The following CALN1 variants were observed in gnomAD, a reference collection of about 807,000 sequenced individuals.
CALN1 encodes the protein calneuron 1.
A neutral mutation model predicts 30.6 loss-of-function variants in CALN1; 17 were observed. The ratio of observed to expected loss-of-function variants is 0.56; its 90% CI spans 0.38 to 0.83. The LOEUF (loss-of-function observed/expected upper bound fraction) is 0.83, where lower values mean the gene tolerates loss of function less well. CALN1 is among the 40% of genes least tolerant of loss of function. The pLI, the probability that CALN1 is intolerant of heterozygous loss-of-function variation, is 0.00. For missense variants in CALN1, 291 were observed against 354.9 expected (o/e 0.82, Z 1.45); for synonymous variants, 156 against 131.4 (o/e 1.19, Z -1.28).
rs186303875 is a variant in CALN1 at position 72,194,209 on chromosome 7, C to T, written c.244+84477G>A. 2.4e-4 allele frequency among the ~76,000 whole-genome samples: 37 copies of T among 152,352 alleles called. No homozygotes were observed. The East Asian group carries it at 6.4e-3, about 26-fold the overall frequency. The stretch of plus-strand genomic sequence containing the variant: ...GCAGTGTACAATGGCATCTCTTTGA[C>T]TGGGTAGATGGCTATGCCATTAACC... On this transcript the variant is annotated intron_variant, in intron 3 of 6. Coordinates refer to ENST00000395275, the MANE Select transcript of CALN1 (RefSeq NM_031468.4).
intron 3 of CALN1, among the ~76,000 whole-genome samples, chr7:72,248,813 C>T (rs1387195621): frequency 1.5e-5 from 2 of 137,720 alleles, no homozygotes; most frequent in East Asian, 2.0e-4. Context: ...TATTAAATTT[C>T]GATCTAGATT....
At chr7:72,169,550 T>C (rs1164524270) in intron 3 of CALN1, among the ~76,000 whole-genome samples, 1 of 151,572 alleles carries the variant, frequency 6.6e-6, no homozygotes, top group Non-Finnish European at 1.5e-5. Context: ...CCTGAACTCC[T>C]AGCCTCAGGT....
chr7:71,809,719 A>G (rs1482240094), intron 6 of CALN1, among the ~76,000 whole-genome samples: 1 of 151,894 alleles, frequency 6.6e-6, no homozygotes, highest in Non-Finnish European at 1.5e-5. Flanking sequence ...ATTTGCTTTC[A>G]TGAATAAAAA....
intron 5 of CALN1, among the ~76,000 whole-genome samples, chr7:71,943,270 C>G (rs1294037805): frequency 6.6e-6 from 1 of 152,180 alleles, no homozygotes; most frequent in Non-Finnish European, 1.5e-5. Flanking sequence ...CGAAACAACA[C>G]AGTATATTTT....
the CALN1 span, among the ~76,000 whole-genome samples, chr7:72,497,212 G>C: frequency 2.0e-5 from 3 of 152,178 alleles, no homozygotes; most frequent in Non-Finnish European, 4.4e-5. Flanking sequence ...GGCCAAAGCG[G>C]GTGGATCACC....
intron 2 of CALN1, among the ~76,000 whole-genome samples, chr7:72,345,379 GAAAA>G (rs1167105583): frequency 7.9e-6 from 1 of 126,226 alleles, no homozygotes; most frequent in Non-Finnish European, 1.6e-5. Context: ...GAAGGAGAAA[GAAAA>G]AAGGAAAAGG....
At chr7:72,050,295 T>C (rs1802753604) in intron 4 of CALN1, among the ~76,000 whole-genome samples, 1 of 152,160 alleles carries the variant, frequency 6.6e-6, no homozygotes, top group Admixed American at 6.6e-5. Flanking sequence ...AGATGAAAAT[T>C]TCAGTAGTAC....
At chr7:72,162,416 A>C (rs1283784735) in intron 3 of CALN1, among the ~76,000 whole-genome samples, 1 of 152,092 alleles carries the variant, frequency 6.6e-6, no homozygotes, top group African/African-American at 2.4e-5. Context: ...GAAGGGGATC[A>C]GAATCTTGGG....
chr7:72,073,610 CCTTT>C (rs36117948), intron 4 of CALN1, among the ~76,000 whole-genome samples: 12 of 151,124 alleles, frequency 7.9e-5, no homozygotes, highest in South Asian at 6.3e-4. Context: ...TGCATTTAGT[CCTTT>C]CTTTCTTTCT....
At chr7:72,104,625 A>G (rs559926069) in intron 4 of CALN1, among the ~76,000 whole-genome samples, 8 of 152,076 alleles carry the variant, frequency 5.3e-5, no homozygotes, top group Admixed American at 1.3e-4. Flanking sequence ...ACTCCCACTT[A>G]TAAGTGAGAA....
intron 3 of CALN1, among the ~76,000 whole-genome samples, chr7:72,240,093 C>G (rs1157583975): frequency 6.6e-6 from 1 of 152,016 alleles, no homozygotes; most frequent in Non-Finnish European, 1.5e-5. Flanking sequence ...TGACTTGAGA[C>G]TAATGTTTTG....
At chr7:72,212,692 T>C (rs932418932) in intron 3 of CALN1, among the ~76,000 whole-genome samples, 5 of 151,980 alleles carry the variant, frequency 3.3e-5, no homozygotes, top group Admixed American at 6.6e-5. Flanking sequence ...CACACACCTA[T>C]AGTCCCAGCT....
At chr7:72,279,133 ACTCCTTTCCTTGG>A (rs1364384068) in intron 2 of CALN1, among the ~76,000 whole-genome samples, 2 of 151,850 alleles carry the variant, frequency 1.3e-5, no homozygotes, top group African/African-American at 4.8e-5. Context: ...AATATCCTTG[ACTCCTTTCCTTGG>A]CCCGATAAAT....
chr7:71,923,014 T>C lies in CALN1; in HGVS notation c.501+100643A>G, dbSNP rs577401099. On this transcript the variant is annotated intron_variant, in intron 5 of 6. Coordinates refer to ENST00000395275, the MANE Select transcript of CALN1 (RefSeq NM_031468.4). ...TCTATCTAACTACACTATACTATAC[T>C]ATACTATACTATTCTATACTATACT... 2.0e-5 allele frequency among the ~76,000 whole-genome samples: 3 copies of C among 149,392 alleles called. No individual in the cohort carries two copies. The South Asian group carries it at 6.3e-4, about 31-fold the overall frequency.
intron 3 of CALN1, among the ~76,000 whole-genome samples, chr7:72,130,630 C>T (rs1259055430): frequency 1.3e-5 from 2 of 152,038 alleles, no homozygotes; most frequent in East Asian, 3.9e-4. Context: ...TCCTGGGTTG[C>T]CTCTGCAGAG....
intron 3 of CALN1, among the ~76,000 whole-genome samples, chr7:72,155,010 T>C (rs1207946053): frequency 2.6e-5 from 4 of 151,622 alleles, no homozygotes; most frequent in Admixed American, 2.6e-4. Flanking sequence ...TGAGCTATGA[T>C]CACACCACTG....
chr7:72,008,667 T>A (rs991581210), intron 5 of CALN1, among the ~76,000 whole-genome samples: 2 of 151,608 alleles, frequency 1.3e-5, no homozygotes, highest in African/African-American at 4.8e-5. Flanking sequence ...ATTTTTTTTT[T>A]TTTTTTTTGA....
upstream of CALN1, among the ~76,000 whole-genome samples, chr7:72,413,189 G>C (rs1807285398): frequency 6.7e-6 from 1 of 149,068 alleles, no homozygotes; most frequent in African/African-American, 2.5e-5. Flanking sequence ...ACTGACACTT[G>C]TGCCCACCCA....
intron 3 of CALN1, among the ~76,000 whole-genome samples, chr7:72,265,474 G>A (rs1343548732): frequency 1.3e-5 from 2 of 152,222 alleles, no homozygotes; most frequent in African/African-American, 2.4e-5. Flanking sequence ...ATGGGTTTTG[G>A]CAAACTCCCT....
Sources: allele counts gnomAD v4.1 joint callset (sites outside exome capture counted in the v4.1 genomes callset), GRCh38; gene constraint gnomAD v4.1.1; transcripts MANE v1.5; gene names NCBI Gene and HGNC (gene_info 2026-07-23, HGNC 2026-07-21).